ERC2: variants seen among roughly 807,000 people sequenced by gnomAD.
The protein encoded by ERC2 is ELKS/RAB6-interacting/CAST family member 2, also known as ERC protein 2.
In ERC2, 42 loss-of-function variants were observed where a neutral mutation model predicts 114.8. That is an observed-to-expected ratio of 0.37 (90% confidence interval 0.29 to 0.47). ERC2 has a LOEUF of 0.47. ERC2 is among the 20% of genes least tolerant of loss of function. The pLI, the probability that ERC2 is intolerant of heterozygous loss-of-function variation, is 0.99. For synonymous variants in ERC2, 454 were observed against 425.5 expected, an observed-to-expected ratio of 1.07 and a Z score of -0.82; for missense variants, 939 against 1,150.7, an observed-to-expected ratio of 0.82 and a Z score of 2.66.
chr3:55,876,316 A>G (rs1206963582), intron 14 of ERC2, among the ~76,000 whole-genome samples: 1 of 152,036 alleles, frequency 6.6e-6, no homozygotes, highest in Non-Finnish European at 1.5e-5. Context: ...GAGAAACCCT[A>G]TGAATTGGGA....
intron 12 of ERC2, among the ~76,000 whole-genome samples, chr3:55,981,909 T>A (rs1340625449): frequency 1.3e-5 from 2 of 152,138 alleles, no homozygotes; most frequent in East Asian, 3.9e-4. Context: ...TCAACAGCAT[T>A]AAAGAGCATG....
intron 15 of ERC2, among the ~76,000 whole-genome samples, chr3:55,708,738 A>T (rs979951361): frequency 6.6e-6 from 1 of 151,918 alleles, no homozygotes. Context: ...TAAAAAGACA[A>T]AAATAAATAA....
At chr3:56,050,427 C>A (rs1415506749) in intron 7 of ERC2, among the ~76,000 whole-genome samples, 1 of 152,074 alleles carries the variant, frequency 6.6e-6, no homozygotes, top group Non-Finnish European at 1.5e-5. Flanking sequence ...GTTTCATAAG[C>A]AAAAGGCAAT....
At chr3:56,291,073 C>T (rs1334843549) in intron 3 of ERC2, among the ~76,000 whole-genome samples, 1 of 152,140 alleles carries the variant, frequency 6.6e-6, no homozygotes, top group Admixed American at 6.5e-5. Context: ...CTTCTAAGGA[C>T]CAGTCAAGAA....
chr3:56,119,720 C>A (rs1190333377), intron 6 of ERC2, among the ~76,000 whole-genome samples: 1 of 152,168 alleles, frequency 6.6e-6, no homozygotes, highest in Non-Finnish European at 1.5e-5. Context: ...AGTTGGAACT[C>A]AATAAATATT....
intron 2 of ERC2, among the ~76,000 whole-genome samples, chr3:56,411,922 A>G (rs1293848700): frequency 6.6e-6 from 1 of 152,208 alleles, no homozygotes; most frequent in Non-Finnish European, 1.5e-5. Context: ...CTGGAGGGTG[A>G]GTGTGGTTGA....
chr3:55,969,423 ACAC>A (rs1268223300), intron 12 of ERC2, among the ~76,000 whole-genome samples: 1 of 151,714 alleles, frequency 6.6e-6, no homozygotes, highest in Non-Finnish European at 1.5e-5. Context: ...ACACACACAC[ACAC>A]ACACACACAC....
intron 3 of ERC2, among the ~76,000 whole-genome samples, chr3:56,294,944 T>C (rs2055333824): frequency 6.6e-6 from 1 of 152,180 alleles, no homozygotes; most frequent in Non-Finnish European, 1.5e-5. Flanking sequence ...TAGAGGACAT[T>C]AAATTTGCAG....
intron 17 of ERC2, among the ~76,000 whole-genome samples, chr3:55,600,436 A>T (rs571791606): frequency 1.2e-4 from 19 of 152,360 alleles, no homozygotes; most frequent in African/African-American, 4.1e-4. Flanking sequence ...GGCCTCAAGA[A>T]GTACCCACCC....
At chr3:55,825,136 C>A (rs1040161255) in intron 14 of ERC2, among the ~76,000 whole-genome samples, 2 of 152,138 alleles carry the variant, frequency 1.3e-5, no homozygotes, top group Admixed American at 1.3e-4. Context: ...GGGCAAGAAC[C>A]TGGAATTCTT....
intron 13 of ERC2, among the ~76,000 whole-genome samples, chr3:55,941,459 G>C (rs1016835549): frequency 1.1e-4 from 16 of 152,130 alleles, no homozygotes; most frequent in African/African-American, 3.9e-4. Context: ...CAGCTCCAGA[G>C]CAACTGATAG....
chr3:55,669,695 A>G (rs1312863066), intron 17 of ERC2, among the ~76,000 whole-genome samples: 1 of 152,142 alleles, frequency 6.6e-6, no homozygotes, highest in African/African-American at 2.4e-5. Flanking sequence ...GCAGGCATAT[A>G]TTTTTTATTG....
At chr3:55,525,734 G>T (rs1168438693) in intron 17 of ERC2, among the ~76,000 whole-genome samples, 2 of 152,204 alleles carry the variant, frequency 1.3e-5, no homozygotes, top group East Asian at 3.9e-4. Flanking sequence ...ACATTAAGGA[G>T]ACTAGATGCT....
At chr3:55,722,189 T>TA (rs2064606446) in intron 15 of ERC2, among the ~76,000 whole-genome samples, 1 of 152,140 alleles carries the variant, frequency 6.6e-6, no homozygotes, top group African/African-American at 2.4e-5. Flanking sequence ...TCAGTGGCTA[T>TA]ATCAGGGCAG....
At chr3:55,746,114 T>C (rs570812719) in intron 14 of ERC2, among the ~76,000 whole-genome samples, 30 of 152,308 alleles carry the variant, frequency 2.0e-4, no homozygotes, top group African/African-American at 7.0e-4. Context: ...ACAGGCTAAA[T>C]TGTAATACAA....
At chr3:56,459,484 G>C (rs1464822334) in intron 1 of ERC2, among the ~76,000 whole-genome samples, 2 of 151,976 alleles carry the variant, frequency 1.3e-5, no homozygotes, top group African/African-American at 2.4e-5. Flanking sequence ...ACCTTTAGGG[G>C]TGGAAAGTAT....
At chr3:56,035,828 A>C (rs1268603497) in intron 7 of ERC2, among the ~76,000 whole-genome samples, 1 of 152,202 alleles carries the variant, frequency 6.6e-6, no homozygotes, top group Non-Finnish European at 1.5e-5. Flanking sequence ...AGCAGCATGA[A>C]CAAACGAAAA....
chr3:55,796,278 G>A (rs752013693), intron 14 of ERC2, among the ~76,000 whole-genome samples: 10 of 152,190 alleles, frequency 6.6e-5, no homozygotes, highest in Non-Finnish European at 1.2e-4. Context: ...TTGGGCCTTC[G>A]GTGGACTGCA....
At chr3:55,919,568 AC>A (rs2065295264) in intron 13 of ERC2, among the ~76,000 whole-genome samples, 1 of 152,136 alleles carries the variant, frequency 6.6e-6, no homozygotes, top group African/African-American at 2.4e-5. Flanking sequence ...TCTGGAATAC[AC>A]CCCCACAACC....
Sources: gnomAD v4.1 joint callset for allele counts (sites outside exome capture counted in the v4.1 genomes callset) on GRCh38, gnomAD v4.1.1 for gene constraint, MANE v1.5 for transcripts, NCBI Gene and HGNC (gene_info 2026-07-23, HGNC 2026-07-21) for gene names.